Variants in SLC35F1 observed in about 807,000 individuals in gnomAD.
SLC35F1 encodes the protein chromosome 6 open reading frame 169.
In SLC35F1, 14 loss-of-function variants were observed where a neutral mutation model predicts 48.7. That is an observed-to-expected ratio of 0.29 (90% confidence interval 0.19 to 0.45). The LOEUF (loss-of-function observed/expected upper bound fraction) is 0.45. Ranked by LOEUF, SLC35F1 falls within the 20% of genes least tolerant of loss-of-function variation. SLC35F1 has a pLI of 1.00. For synonymous variants in SLC35F1, 190 were observed against 202.2 expected (o/e 0.94, Z 0.51); for missense variants, 404 against 500.0 (o/e 0.81, Z 1.83).
At chr6:118,181,526 T>C (rs894431572) in intron 2 of SLC35F1, among the ~76,000 whole-genome samples, 1 of 151,734 alleles carries the variant, frequency 6.6e-6, no homozygotes, top group Non-Finnish European at 1.5e-5. Context: ...GAAGGGAAAA[T>C]GTGCAGCAGA....
chr6:118,154,993 C>T (rs866155522), intron 2 of SLC35F1, among the ~76,000 whole-genome samples: 1 of 152,018 alleles, frequency 6.6e-6, no homozygotes, highest in South Asian at 2.1e-4. Context: ...AAGGGAATTG[C>T]AGACAAATAT....
rs75280353 is a variant in SLC35F1 at position 118,041,308 on chromosome 6, T to C, written c.174-113137T>C. On this transcript the variant is annotated intron_variant, in intron 1 of 7. Coordinates refer to ENST00000360388, the MANE Select transcript of SLC35F1 (RefSeq NM_001029858.4). ...TTTATATATTTACTTAAAGATATCT[T>C]ATAAATTTACATCTTTGGTAATGTT... Among the ~76,000 whole-genome samples the C allele has an allele frequency of 9.2e-3, 1,396 of 152,312 alleles. 24 individuals carry two copies. The highest frequency in any genetic ancestry group is 0.032 in the African/African-American group (1,342 of 41,584).
intron 1 of SLC35F1, among the ~76,000 whole-genome samples, chr6:118,037,897 A>G (rs1270154628): frequency 2.6e-5 from 4 of 152,154 alleles, no homozygotes; most frequent in African/African-American, 9.7e-5. Flanking sequence ...GAGGGAGACC[A>G]TTAGGACAAA....
At chr6:118,277,755 C>T (rs2114633140) in intron 6 of SLC35F1, among the ~76,000 whole-genome samples, 1 of 152,234 alleles carries the variant, frequency 6.6e-6, no homozygotes, top group Non-Finnish European at 1.5e-5. Context: ...TGAGCTTCTG[C>T]CCATTTTCAT....
intron 2 of SLC35F1, among the ~76,000 whole-genome samples, chr6:118,164,534 T>A (rs984924640): frequency 2.0e-5 from 3 of 152,330 alleles, no homozygotes; most frequent in Non-Finnish European, 4.4e-5. Flanking sequence ...TTTCATCATT[T>A]CATAAGTCAG....
intron 1 of SLC35F1, among the ~76,000 whole-genome samples, chr6:118,004,875 G>A (rs967609401): frequency 6.6e-6 from 1 of 151,924 alleles, no homozygotes; most frequent in African/African-American, 2.4e-5. Context: ...TTGAGTGTCT[G>A]TTAGGTGCTA....
At chr6:117,996,259 G>A (rs1181615167) in intron 1 of SLC35F1, among the ~76,000 whole-genome samples, 1 of 152,030 alleles carries the variant, frequency 6.6e-6, no homozygotes, top group Non-Finnish European at 1.5e-5. Flanking sequence ...AAATCCTAGG[G>A]TACTAGATTA....
At chr6:118,252,598 T>A (rs1055859557) in intron 3 of SLC35F1, among the ~76,000 whole-genome samples, 3 of 151,406 alleles carry the variant, frequency 2.0e-5, no homozygotes, top group African/African-American at 7.3e-5. Flanking sequence ...GTGTCTGGAG[T>A]TCAACAGAGA....
chr6:118,008,026 C>A (rs1777196724), intron 1 of SLC35F1, among the ~76,000 whole-genome samples: 1 of 152,076 alleles, frequency 6.6e-6, no homozygotes, highest in Non-Finnish European at 1.5e-5. Flanking sequence ...TCTCCATAGG[C>A]CCTTTCAACA....
At chr6:118,172,622 C>T (rs1774423374) in intron 2 of SLC35F1, among the ~76,000 whole-genome samples, 1 of 152,094 alleles carries the variant, frequency 6.6e-6, no homozygotes, top group Admixed American at 6.6e-5. Flanking sequence ...TTTCCTTAAG[C>T]AGGCTACCTT....
intron 1 of SLC35F1, among the ~76,000 whole-genome samples, chr6:118,002,274 A>G (rs979651915): frequency 6.6e-6 from 1 of 152,200 alleles, no homozygotes; most frequent in African/African-American, 2.4e-5. Context: ...TGCAGCCATA[A>G]AAAATGAAGA....
intron 3 of SLC35F1, among the ~76,000 whole-genome samples, chr6:118,254,049 G>A (rs555036198): frequency 3.9e-5 from 6 of 151,942 alleles, no homozygotes; most frequent in Admixed American, 2.0e-4. Flanking sequence ...GATGGGGAGA[G>A]GGGACGGCTC....
At chr6:118,173,385 T>TAAAAAAAAAAAA (rs571653145) in intron 2 of SLC35F1, among the ~76,000 whole-genome samples, 2 of 129,306 alleles carry the variant, frequency 1.5e-5, no homozygotes, top group African/African-American at 6.7e-5. Flanking sequence ...AAGAGTTAGT[T>TAAAAAAAAAAAA]AAAAAAAAAA....
At chr6:118,071,943 C>T (rs1269559188) in intron 1 of SLC35F1, among the ~76,000 whole-genome samples, 2 of 152,114 alleles carry the variant, frequency 1.3e-5, no homozygotes, top group African/African-American at 4.8e-5. Flanking sequence ...CCTGCTGGGA[C>T]CTTTCAACTT....
chr6:117,908,349 GC>G (rs1234106623), intron 1 of SLC35F1, among the ~76,000 whole-genome samples: 1 of 152,182 alleles, frequency 6.6e-6, no homozygotes, highest in Non-Finnish European at 1.5e-5. Flanking sequence ...CCTCCGCCCC[GC>G]CCCGCCCGGG....
In SLC35F1 at chr6:118,267,147, G is replaced by T. The variant is rs1478187927; in HGVS notation, c.630G>T (p.Gln210His). The change falls in exon 4 of 8, where the codon CAG (glutamine) becomes CAT (histidine). Residue 210 changes from glutamine to histidine, a missense_variant. Gln to His is a conservative substitution (Grantham distance 24). Coordinates refer to ENST00000360388, the MANE Select transcript of SLC35F1 (RefSeq NM_001029858.4). ...CAGATGTGCTTGTGGGAAGACATCAGGGAGCAGGTGAGTCTTCGGATGTTC... is the reference window on the plus strand; with the variant it reads ...CAGATGTGCTTGTGGGAAGACATCATGGAGCAGGTGAGTCTTCGGATGTTC... ...VGADVLVGRH[Q>H]GAGENKLVGD... 6.2e-7 allele frequency: 1 copy of T among 1,613,934 alleles called. No homozygotes were observed.
intron 4 of SLC35F1, among the ~76,000 whole-genome samples, chr6:118,273,265 C>G (rs1447652754): frequency 6.6e-6 from 1 of 152,256 alleles, no homozygotes; most frequent in Admixed American, 6.5e-5. Context: ...ATTGGTGAGA[C>G]TATTCACTGA....
At chr6:117,919,659 A>G (rs1040593867) in intron 1 of SLC35F1, among the ~76,000 whole-genome samples, 2 of 152,340 alleles carry the variant, frequency 1.3e-5, no homozygotes, top group Middle Eastern at 6.8e-3. Context: ...GTTTACTTCA[A>G]TGTGTTCATG....
At chr6:118,229,439 G>A (rs1474654021) in intron 2 of SLC35F1, among the ~76,000 whole-genome samples, 1 of 152,128 alleles carries the variant, frequency 6.6e-6, no homozygotes, top group Non-Finnish European at 1.5e-5. Context: ...CAGTATGACA[G>A]GCACCCCTGG....
Sources: allele counts gnomAD v4.1 joint callset (sites outside exome capture counted in the v4.1 genomes callset), GRCh38; gene constraint gnomAD v4.1.1; transcripts MANE v1.5; gene names NCBI Gene and HGNC (gene_info 2026-07-23, HGNC 2026-07-21).